SOCS4: variants seen among roughly 807,000 people sequenced by gnomAD.
The protein encoded by SOCS4 is SH2 domain containing SOCS box protein.
SOCS4 carries 20 observed loss-of-function variants against 34.1 expected under a neutral mutation model. The ratio of observed to expected loss-of-function variants is 0.59; its 90% CI spans 0.41 to 0.85. The LOEUF (loss-of-function observed/expected upper bound fraction) is 0.85, where lower values mean the gene tolerates loss of function less well. Ranked by LOEUF, SOCS4 falls within the 40% of genes least tolerant of loss-of-function variation. The pLI, the probability that SOCS4 is intolerant of heterozygous loss-of-function variation, is 0.00. For synonymous variants in SOCS4, 180 were observed against 186.4 expected (o/e 0.97, Z 0.28); for missense variants, 479 against 532.4 (o/e 0.90, Z 0.99).
rs114537990 is a variant in SOCS4 at position 55,043,587 on chromosome 14, A to G, written c.546A>G (p.Glu182=). ...RDGQLKRRNM[E]ENINCFSHTN... is the part of the protein sequence containing the mutation. ...GTCAGCTAAAACGAAGAAATATGGA[A>G]GAAAATATAAACTGTTTCTCACATA... Residue 182 remains glutamate (E), a synonymous_variant, in exon 3 of 3, where the codon GAA becomes GAG. Coordinates refer to ENST00000555846, the MANE Select transcript of SOCS4 (RefSeq NM_199421.2). The G allele has an allele frequency of 1.9e-6, 3 of 1,614,086 alleles. No homozygotes were observed. Among genetic ancestry groups the G allele is most frequent in the Admixed American group, 3.3e-5 (2 of 60,008 alleles).
intron 2 of SOCS4, among the ~76,000 whole-genome samples, chr14:55,038,614 A>G (rs1452947143): frequency 1.3e-5 from 2 of 152,208 alleles, no homozygotes; most frequent in African/African-American, 4.8e-5. Context: ...TTTTAGGCCC[A>G]GTCTTCCCCT....
At chr14:55,029,741 T>C (rs771503152) in intron 1 of SOCS4, among the ~76,000 whole-genome samples, 9 of 152,144 alleles carry the variant, frequency 5.9e-5, no homozygotes, top group Non-Finnish European at 1.0e-4. Context: ...AAAGAAACAT[T>C]GAAGGCACTT....
rs1461825393 is a variant in SOCS4, at chr14:55,048,972, T to C, written c.*4608T>C. ...TCACTTCTCTTAGACTGTAAAAGAC[T>C]TTCTTGACTTGTTTTAACAGTAGAG... is the stretch of plus-strand genomic sequence containing the variant. On this transcript the variant is annotated 3_prime_UTR_variant, in exon 3 of 3. Coordinates refer to ENST00000555846, the MANE Select transcript of SOCS4 (RefSeq NM_199421.2). 1.8e-5 allele frequency: 3 copies of C among 167,004 alleles called. No homozygotes were observed. Among genetic ancestry groups the C allele is most frequent in the Non-Finnish European group, 4.4e-5 (3 of 68,116 alleles). 10.3% of individuals were successfully genotyped at this position (167,004 alleles called of 1,614,324 possible).
chr14:55,034,657 C>A (rs1482202128), intron 2 of SOCS4, among the ~76,000 whole-genome samples: 1 of 151,740 alleles, frequency 6.6e-6, no homozygotes, highest in African/African-American at 2.4e-5. Context: ...GATGGTGAAA[C>A]CCCGTCTCTA....
At chr14:55,032,882 A>G (rs1014240055) in intron 2 of SOCS4, among the ~76,000 whole-genome samples, 11 of 152,102 alleles carry the variant, frequency 7.2e-5, no homozygotes, top group Non-Finnish European at 1.3e-4. Context: ...TCCTGGGTTC[A>G]TGCCATTCTC....
chr14:55,035,150 C>T (rs541239861), intron 2 of SOCS4, among the ~76,000 whole-genome samples: 4 of 152,268 alleles, frequency 2.6e-5, no homozygotes, highest in South Asian at 4.1e-4. Context: ...CATGAGCCAC[C>T]GTGCCCGGCC....
At chr14:55,028,299 G>C (rs2042489267) in intron 1 of SOCS4, among the ~76,000 whole-genome samples, 1 of 152,126 alleles carries the variant, frequency 6.6e-6, no homozygotes, top group African/African-American at 2.4e-5. Context: ...GTTTGTATAT[G>C]AATGAAGAGG....
chr14:55,041,214 C>G (rs1204494736), intron 2 of SOCS4, among the ~76,000 whole-genome samples: 1 of 152,018 alleles, frequency 6.6e-6, no homozygotes, highest in Admixed American at 6.6e-5. Flanking sequence ...TATGGCAAGT[C>G]TTTATTATTA....
Position 55,042,985 on chromosome 14 carries a change from G to A in SOCS4, c.-57G>A. ...AGAAAGTGCCCAGAAGAAACTTCCT[G>A]CTGGAAAAAATGAAAAAGCAGTATT... On this transcript the variant is annotated 5_prime_UTR_variant, in exon 3 of 3. Transcript: ENST00000555846. The A allele has an allele frequency of 6.7e-7, 1 of 1,490,352 alleles. No individual in the cohort carries two copies. 92.3% of individuals were successfully genotyped at this position (1,490,352 alleles called of 1,614,324 possible).
Position 55,047,085 on chromosome 14 carries a change from G to C in SOCS4, c.*2721G>C, listed in dbSNP as rs950199608. 6.0e-6 allele frequency: 1 copy of C among 167,066 alleles called. No homozygotes were observed. The highest frequency in any genetic ancestry group is 1.5e-5 in the Non-Finnish European group (1 of 68,106). 10.3% of individuals were successfully genotyped at this position (167,066 alleles called of 1,614,324 possible). A position where few individuals can be genotyped will look rare whatever the true frequency, so the allele number is the denominator to read the frequency against. ...TGAACAGTGTAAATTCCAGAGTTGA[G>C]AAAGCATTTAGCATGGTGGAAATGT... On this transcript the variant is annotated 3_prime_UTR_variant, in exon 3 of 3. Coordinates refer to ENST00000555846, the MANE Select transcript of SOCS4 (RefSeq NM_199421.2).
Position 55,047,130 on chromosome 14 carries a change from G to C in SOCS4, c.*2766G>C, listed in dbSNP as rs11849878. The C allele has an allele frequency of 0.43, 71,634 of 166,878 alleles. 16,531 individuals are homozygous for C. Among genetic ancestry groups the C allele is most frequent in the African/African-American group, 0.59 (24,494 of 41,442 alleles). The allele number at this position is 166,878 out of a possible 1,614,324, so 10.3% of individuals were successfully genotyped here. A position where few individuals can be genotyped will look rare whatever the true frequency, so the allele number is the denominator to read the frequency against. On this transcript the variant is annotated 3_prime_UTR_variant, in exon 3 of 3. Transcript: ENST00000555846. ...AAATGTGGAGAGCTTATTGGTGAGAGAGGATGGAGCTAAGAGAAATAAGAT... is the reference window on the plus strand; with the variant it reads ...AAATGTGGAGAGCTTATTGGTGAGACAGGATGGAGCTAAGAGAAATAAGAT...
Position 55,029,200 on chromosome 14 carries a change from A to G in SOCS4, c.-220+1729A>G, listed in dbSNP as rs79741950. Among the ~76,000 whole-genome samples the G allele has an allele frequency of 8.3e-3, 1,264 of 152,368 alleles. 8 individuals are homozygous for G. The highest frequency in any genetic ancestry group is 0.013 in the Non-Finnish European group (869 of 68,024). On this transcript the variant is annotated intron_variant, in intron 1 of 2. Coordinates refer to ENST00000555846, the MANE Select transcript of SOCS4 (RefSeq NM_199421.2). The stretch of plus-strand genomic sequence containing the variant: ...ATTCAAACAATATGATCAAGATGAT[A>G]GTGCAGTAATGAAAGATGTGTAACT...
chr14:55,039,368 G>T (rs1014389404), intron 2 of SOCS4, among the ~76,000 whole-genome samples: 7 of 152,080 alleles, frequency 4.6e-5, no homozygotes, highest in Non-Finnish European at 1.0e-4. Flanking sequence ...AGCCTGGGAG[G>T]TCGAGGCTGC....
chr14:55,040,467 G>T (rs1037268178), intron 2 of SOCS4, among the ~76,000 whole-genome samples: 1 of 152,224 alleles, frequency 6.6e-6, no homozygotes, highest in East Asian at 1.9e-4. Context: ...ATTATAGGCC[G>T]GGCGCACTGG....
At chr14:55,036,346 C>CTT (rs778430566) in intron 2 of SOCS4, among the ~76,000 whole-genome samples, 1 of 141,906 alleles carries the variant, frequency 7.0e-6, no homozygotes, top group Non-Finnish European at 1.5e-5. Context: ...ATTTTCTAAC[C>CTT]TTTTTTTTTT....
intron 2 of SOCS4, among the ~76,000 whole-genome samples, chr14:55,037,586 C>T (rs1056610897): frequency 9.2e-5 from 14 of 151,892 alleles, no homozygotes; most frequent in South Asian, 2.1e-4. Context: ...CTCCGCCTCC[C>T]GGATTCAAGC....
At chr14:55,029,538 A>G (rs116652051) in intron 1 of SOCS4, among the ~76,000 whole-genome samples, 2,024 of 152,326 alleles carry the variant, frequency 0.013, 42 homozygotes, top group Middle Eastern at 0.054. Context: ...CATTCTACCA[A>G]TGATGGTATT....
chr14:55,040,277 C>CTGCGTA (rs1479171106), intron 2 of SOCS4, among the ~76,000 whole-genome samples: 6 of 152,186 alleles, frequency 3.9e-5, no homozygotes, highest in Non-Finnish European at 7.3e-5. Flanking sequence ...ACAGTTGTCT[C>CTGCGTA]TGCGTATCCA....
chr14:55,039,360 C>T (rs1285621526), intron 2 of SOCS4, among the ~76,000 whole-genome samples: 1 of 152,094 alleles, frequency 6.6e-6, no homozygotes, highest in Non-Finnish European at 1.5e-5. Flanking sequence ...GTCACTTGAG[C>T]CTGGGAGGTC....
Sources: allele counts gnomAD v4.1 joint callset (sites outside exome capture counted in the v4.1 genomes callset), GRCh38; gene constraint gnomAD v4.1.1; transcripts MANE v1.5; gene names NCBI Gene and HGNC (gene_info 2026-07-23, HGNC 2026-07-21).